The following AXDND1 variants were observed in gnomAD, a reference collection of about 807,000 sequenced individuals.
AXDND1 encodes the protein axonemal dynein light chain domain containing 1, also known as axonemal dynein light chain domain-containing protein 1.
In AXDND1, 110 loss-of-function variants were observed where a neutral mutation model predicts 137.5. The observed-to-expected ratio is 0.80, with a 90% confidence interval of 0.69 to 0.94. AXDND1 has a LOEUF of 0.94. Ranked by LOEUF, AXDND1 falls within the 40% of genes least tolerant of loss-of-function variation. The pLI, the probability that AXDND1 is intolerant of heterozygous loss-of-function variation, is 0.00. For missense variants in AXDND1, 1,191 were observed against 1,169.8 expected (o/e 1.02, Z -0.26); for synonymous variants, 414 against 399.7 (o/e 1.04, Z -0.43).
chr1:179,525,582 G>A (rs537820986), intron 22 of AXDND1, 135 bp downstream of exon 22: 3 of 1,049,308 alleles, frequency 2.9e-6, no homozygotes, highest in African/African-American at 1.6e-5. Context: ...CTGTAACCTC[G>A]AACTCTGGGG....
In AXDND1 at chr1:179,512,285, A is replaced by G. The variant is rs1572132726; in HGVS notation, c.2496+2882A>G. Among the ~76,000 whole-genome samples, 3 of 152,308 alleles carry G rather than the reference A, an allele frequency of 2.0e-5. No individual in the cohort carries two copies. In the South Asian group the frequency reaches 6.2e-4, roughly 32 times the overall value. ...CAGTTTCGTTCTCCTACATGTGGCT[A>G]GCCAATTATCCCAGCACCATTTGTT... On this transcript the variant is annotated intron_variant, in intron 21 of 25. Transcript: ENST00000367618.
rs756374321 is a variant in AXDND1, at chr1:179,379,351, C to A, written c.496-46C>A. 9 of 1,575,816 alleles carry A rather than the reference C, an allele frequency of 5.7e-6. No individual in the cohort carries two copies. In the South Asian group the frequency reaches 1.0e-4, roughly 18 times the overall value. ...GGATTTGTGCAAGTGAATTTTTTCTCTATTAATATATTCATTCTTTTATTT... is the reference window on the plus strand; with the variant it reads ...GGATTTGTGCAAGTGAATTTTTTCTATATTAATATATTCATTCTTTTATTT... On this transcript the variant is annotated intron_variant, in intron 5 of 25. Coordinates refer to ENST00000367618, the MANE Select transcript of AXDND1 (RefSeq NM_144696.6).
At chr1:179,370,843 T>G (rs1335056711) in intron 4 of AXDND1, among the ~76,000 whole-genome samples, 1 of 152,198 alleles carries the variant, frequency 6.6e-6, no homozygotes, top group Non-Finnish European at 1.5e-5. Context: ...GCCAGTTTTG[T>G]GTGCCTCCCA....
At chr1:179,519,236 T>G (rs1669832739) in intron 21 of AXDND1, among the ~76,000 whole-genome samples, 1 of 152,224 alleles carries the variant, frequency 6.6e-6, no homozygotes, top group African/African-American at 2.4e-5. Flanking sequence ...TATGGGGTTG[T>G]TTTTTGCTTG....
chr1:179,482,470 A>G (rs573101195), intron 17 of AXDND1, among the ~76,000 whole-genome samples: 14 of 152,148 alleles, frequency 9.2e-5, no homozygotes, highest in Non-Finnish European at 1.6e-4. Flanking sequence ...ATAAAAATCC[A>G]TGGAAGAAAG....
chr1:179,489,486 ATAGT>A (rs1666592598), intron 18 of AXDND1, among the ~76,000 whole-genome samples: 1 of 152,180 alleles, frequency 6.6e-6, no homozygotes, highest in East Asian at 1.9e-4. Context: ...ATATGAAAGA[ATAGT>A]TAGGAATTTA....
intron 17 of AXDND1, among the ~76,000 whole-genome samples, chr1:179,476,062 C>T (rs993895799): frequency 1.8e-4 from 27 of 152,132 alleles, no homozygotes; most frequent in African/African-American, 4.3e-4. Flanking sequence ...CTTCCCCTTA[C>T]GCCATGATTA....
chr1:179,550,744 T>G, intron 25 of AXDND1: 1 of 226,784 alleles, frequency 4.4e-6, no homozygotes, highest in Non-Finnish European at 8.8e-6. Flanking sequence ...GACTGCATCT[T>G]TGGGACAGAA....
At position 179,439,016 on chromosome 1, in the gene AXDND1, AAAG is replaced by A. The variant is rs756984336; in HGVS notation, c.1564-5947_1564-5945del. On this transcript the variant is annotated intron_variant, in intron 15 of 25. Coordinates refer to ENST00000367618, the MANE Select transcript of AXDND1 (RefSeq NM_144696.6). ...CTGGGATTGGATCTCGGTGTTGTAT[AAAG>A]AAGAAGCATTAAAAGCTTGCTACCA... Among the ~76,000 whole-genome samples the A allele has an allele frequency of 1.2e-4, 19 of 152,114 alleles. No homozygotes were observed. The South Asian group carries it at 2.7e-3, about 22-fold the overall frequency.
intron 23 of AXDND1, among the ~76,000 whole-genome samples, chr1:179,532,364 A>G (rs1413171313): frequency 1.3e-5 from 2 of 152,148 alleles, no homozygotes; most frequent in Non-Finnish European, 2.9e-5. Flanking sequence ...GCTGTAAACC[A>G]TGTGTGGAAT....
chr1:179,462,278 G>A (rs1662443277), intron 16 of AXDND1, among the ~76,000 whole-genome samples: 1 of 152,148 alleles, frequency 6.6e-6, no homozygotes, highest in Non-Finnish European at 1.5e-5. Context: ...TTTGTCAAAG[G>A]CCTTTTCTGC....
At chr1:179,531,079 T>A (rs1274320333) in intron 23 of AXDND1, among the ~76,000 whole-genome samples, 3 of 152,062 alleles carry the variant, frequency 2.0e-5, no homozygotes, top group African/African-American at 7.2e-5. Flanking sequence ...TGCTTATTGG[T>A]TGGGGATGCA....
In AXDND1 at chr1:179,525,366, A is replaced by G; in HGVS notation, c.2529A>G (p.Ile843Met). ...EAVKEFIEPE[I>M]DESFKEDEEE... The stretch of plus-strand genomic sequence containing the variant: ...TAAAAGAATTCATTGAGCCTGAAAT[A>G]GACGAGTCTTTTAAAGAAGATGAAG... The change falls in exon 22 of 26, where the codon ATA (isoleucine) becomes ATG (methionine). Residue 843 changes from isoleucine to methionine, a missense_variant. Ile to Met is a conservative substitution (Grantham distance 10). Transcript: ENST00000367618. The G allele has an allele frequency of 6.2e-7, 1 of 1,612,394 alleles. No individual in the cohort carries two copies.
intron 16 of AXDND1, among the ~76,000 whole-genome samples, chr1:179,461,276 C>T (rs904557896): frequency 4.6e-5 from 7 of 152,306 alleles, no homozygotes; most frequent in African/African-American, 1.7e-4. Context: ...TATGGCTAGT[C>T]AGTTTTCCCA....
rs141228272 is a variant in AXDND1, at chr1:179,534,890, AAAGAAG to A, written c.2968_2973del (p.Glu990_Glu991del). On this transcript the variant is annotated inframe_deletion, in exon 25 of 26. Transcript: ENST00000367618. The stretch of plus-strand genomic sequence containing the variant: ...AGAAAATCAAGATGAAAGAGAAGTA[AAAGAAG>A]AAGAAGAACAACAAGAAGAAGAAGA... 745 of 1,592,276 alleles carry A rather than the reference AAAGAAG, an allele frequency of 4.7e-4. 5 individuals carry two copies. In the South Asian group the frequency reaches 7.9e-3, roughly 17 times the overall value.
chr1:179,470,234 G>A (rs1663755878), intron 17 of AXDND1, among the ~76,000 whole-genome samples: 1 of 152,104 alleles, frequency 6.6e-6, no homozygotes, highest in Admixed American at 6.5e-5. Flanking sequence ...GTTTTGAAAA[G>A]GAATGGGAAA....
intron 12 of AXDND1, among the ~76,000 whole-genome samples, chr1:179,413,007 A>G (rs932249292): frequency 5.9e-5 from 9 of 152,130 alleles, no homozygotes; most frequent in Non-Finnish European, 8.8e-5. Flanking sequence ...TATTTAGTCA[A>G]ATATATTTTC....
chr1:179,477,303 AAC>A (rs961258709), intron 17 of AXDND1, among the ~76,000 whole-genome samples: 8 of 116,530 alleles, frequency 6.9e-5, no homozygotes, highest in Admixed American at 2.0e-4. Flanking sequence ...AACATGAACT[AAC>A]ATGTGTTAGT....
chr1:179,381,231 A>G (rs1648241986), intron 6 of AXDND1, among the ~76,000 whole-genome samples: 1 of 151,124 alleles, frequency 6.6e-6, no homozygotes, highest in Non-Finnish European at 1.5e-5. Flanking sequence ...TGGTAGAAAC[A>G]GGGTTTCACC....
Sources: allele counts gnomAD v4.1 joint callset (sites outside exome capture counted in the v4.1 genomes callset), GRCh38; gene constraint gnomAD v4.1.1; transcripts MANE v1.5; gene names NCBI Gene and HGNC (gene_info 2026-07-23, HGNC 2026-07-21).